The following MGAT5 variants were observed in gnomAD, a reference collection of about 807,000 sequenced individuals.
MGAT5 encodes the protein alpha-1,6-mannosylglycoprotein 6-beta-N-acetylglucosaminyltransferase.
In MGAT5, 30 loss-of-function variants were observed where a neutral mutation model predicts 94.3. The observed-to-expected ratio is 0.32, with a 90% confidence interval of 0.24 to 0.43. The LOEUF (loss-of-function observed/expected upper bound fraction) is 0.43, where lower values mean the gene tolerates loss of function less well. Ranked by LOEUF, MGAT5 falls within the 20% of genes least tolerant of loss-of-function variation. The pLI, the probability that MGAT5 is intolerant of heterozygous loss-of-function variation, is 1.00. For missense variants in MGAT5, 691 were observed against 905.5 expected, an observed-to-expected ratio of 0.76 and a Z score of 3.04; for synonymous variants, 310 against 322.9, an observed-to-expected ratio of 0.96 and a Z score of 0.43.
intron 14 of MGAT5, among the ~76,000 whole-genome samples, chr2:134,432,155 CAG>C (rs1269768912): frequency 6.6e-6 from 1 of 152,168 alleles, no homozygotes; most frequent in East Asian, 1.9e-4. Context: ...AGCCTCAGGT[CAG>C]AGAGTATAGC....
intron 1 of MGAT5, among the ~76,000 whole-genome samples, chr2:134,138,681 G>A (rs1205712362): frequency 3.3e-5 from 5 of 152,190 alleles, no homozygotes; most frequent in African/African-American, 7.2e-5. Context: ...ACTGTCTAAT[G>A]TCATGCTTGG....
At position 134,189,602 on chromosome 2, in the gene MGAT5, G is replaced by GTTTTGTTTTTTTTTTT. The variant is rs1553490380; in HGVS notation, c.-142-64656_-142-64655insGTTTTTTTTTTTTTTT. On this transcript the variant is annotated intron_variant, in intron 1 of 16. Coordinates refer to the MGAT5 transcript ENST00000409645. Reference sequence around the variant, plus strand: ...AACCTCATGGCTCTAGTTTTTTTTTGTTTTTTTTTTTTTTTTTTAAGACAG... The same window carrying GTTTTGTTTTTTTTTTT: ...AACCTCATGGCTCTAGTTTTTTTTTGTTTTGTTTTTTTTTTTTTTTTTTTTTTTTTTTTTAAGACAG... Among the ~76,000 whole-genome samples the GTTTTGTTTTTTTTTTT allele has an allele frequency of 1.7e-3, 148 of 84,640 alleles. 4 individuals are homozygous for GTTTTGTTTTTTTTTTT. The highest frequency in any genetic ancestry group is 6.7e-3 in the African/African-American group (140 of 20,986). 55.5% of individuals were successfully genotyped at this position (84,640 alleles called of 152,430 possible). A position where few individuals can be genotyped will look rare whatever the true frequency, so the allele number is the denominator to read the frequency against.
intron 4 of MGAT5, among the ~76,000 whole-genome samples, chr2:134,330,833 C>T (rs1054908428): frequency 6.6e-6 from 1 of 151,948 alleles, no homozygotes; most frequent in East Asian, 1.9e-4. Context: ...GTTGGTGACC[C>T]ATTAGAACAG....
chr2:134,152,326 G>T (rs1687254503), intron 1 of MGAT5, among the ~76,000 whole-genome samples: 1 of 111,984 alleles, frequency 8.9e-6, no homozygotes, highest in Non-Finnish European at 2.0e-5. Context: ...CACGCCCTAT[G>T]GGACCCGCCC....
Position 134,412,471 on chromosome 2 carries a change from T to C in MGAT5, c.1531-398T>C, listed in dbSNP as rs140750365. On this transcript the variant is annotated intron_variant, in intron 11 of 15. Transcript: ENST00000281923. ...GTTTCTTTGGTTCAATGAAGAAACC[T>C]TCTGTGTAGTTAAGCAAGTGTTTTT... Among the ~76,000 whole-genome samples the C allele has an allele frequency of 5.9e-3, 894 of 152,242 alleles. 5 individuals carry two copies. The highest frequency in any genetic ancestry group is 8.9e-3 in the Non-Finnish European group (603 of 68,012).
chr2:134,134,627 G>A (rs1351377582), intron 1 of MGAT5, among the ~76,000 whole-genome samples: 3 of 152,206 alleles, frequency 2.0e-5, no homozygotes, highest in Admixed American at 6.5e-5. Flanking sequence ...TGGGCAGGGC[G>A]TGGTACCTGG....
intron 1 of MGAT5, among the ~76,000 whole-genome samples, chr2:134,122,154 G>T (rs1448614294): frequency 2.6e-5 from 4 of 151,920 alleles, no homozygotes; most frequent in African/African-American, 9.7e-5. Flanking sequence ...GCCCAGGCTG[G>T]AGTGCAATGG....
chr2:134,398,314 C>T (rs1157659556), intron 10 of MGAT5, among the ~76,000 whole-genome samples: 2 of 152,282 alleles, frequency 1.3e-5, no homozygotes, highest in East Asian at 1.9e-4. Context: ...GTGGGACACA[C>T]GCTTGCCTCT....
At chr2:134,327,134 G>A (rs4953914) in intron 4 of MGAT5, among the ~76,000 whole-genome samples, 147,361 of 152,202 alleles carry the variant, frequency 0.97, 71,410 homozygotes, top group East Asian at 1. Flanking sequence ...TAACCCTTCC[G>A]ATCTTAAAAA....
intron 2 of MGAT5, among the ~76,000 whole-genome samples, chr2:134,279,402 T>A (rs937038958): frequency 2.6e-5 from 4 of 152,148 alleles, no homozygotes; most frequent in Non-Finnish European, 5.9e-5. Flanking sequence ...TAAGTAGGAT[T>A]AAAAAAATTC....
At position 134,338,281 on chromosome 2, in the gene MGAT5, A is replaced by G. The variant is rs1439392194; in HGVS notation, c.668A>G (p.Asn223Ser). The G allele has an allele frequency of 1.3e-6, 2 of 1,598,504 alleles. No individual in the cohort carries two copies. The highest frequency in any genetic ancestry group is 1.7e-6 in the Non-Finnish European group (2 of 1,174,830). Residue 223 changes from asparagine to serine, a missense_variant, in exon 6 of 16, where the codon AAT becomes AGT. Physicochemically the swap from Asn to Ser is conservative, Grantham distance 46. Around this residue, in one of 4 missense-constraint regions of MGAT5, gnomAD observed 307 missense variants for 335.4 expected, o/e 0.92. Coordinates refer to ENST00000281923, the MANE Select transcript of MGAT5 (RefSeq NM_002410.5). ...TAGGCGGAAATTCGTACAGATTTTA[A>G]TATTCTCTACAGTATGATGAAAAAG... ...NSLAEIRTDF[N>S]ILYSMMKKHE... is the part of the protein sequence containing the mutation.
At chr2:134,221,311 CA>C (rs1680757705) in intron 1 of MGAT5, among the ~76,000 whole-genome samples, 1 of 152,150 alleles carries the variant, frequency 6.6e-6, no homozygotes, top group African/African-American at 2.4e-5. Context: ...TGGGGACTTC[CA>C]GGCTATAGGT....
At chr2:134,162,198 A>C (rs978244874) in intron 1 of MGAT5, among the ~76,000 whole-genome samples, 15 of 152,090 alleles carry the variant, frequency 9.9e-5, no homozygotes, top group African/African-American at 3.6e-4. Flanking sequence ...TCAAAAAAAA[A>C]CAAAAACAAA....
chr2:134,273,964 G>A (rs537640418), intron 2 of MGAT5, among the ~76,000 whole-genome samples: 10 of 152,206 alleles, frequency 6.6e-5, no homozygotes, highest in East Asian at 1.9e-4. Context: ...AAGGGCCTTC[G>A]TCAAAATTCT....
At chr2:134,167,123 A>G (rs1687998633) in intron 1 of MGAT5, among the ~76,000 whole-genome samples, 1 of 152,222 alleles carries the variant, frequency 6.6e-6, no homozygotes, top group African/African-American at 2.4e-5. Flanking sequence ...ATAAAGGACA[A>G]GCTTTTGTTA....
chr2:134,257,836 C>CCTTTTTT (rs781189819), intron 1 of MGAT5, among the ~76,000 whole-genome samples: 35,413 of 105,068 alleles, frequency 0.34, 7,714 homozygotes, highest in South Asian at 0.43. Flanking sequence ...TTTGCAGTCT[C>CCTTTTTT]TTTTTTTTTT....
At position 134,254,597 on chromosome 2, in the gene MGAT5, A is replaced by G; in HGVS notation, c.194A>G (p.Asn65Ser). 6.2e-7 allele frequency: 1 copy of G among 1,614,184 alleles called. No homozygotes were observed. The highest frequency in any genetic ancestry group is 2.2e-5 in the East Asian group (1 of 44,884). ...KRYIKALAEE[N>S]RNVVDGPYAG... The stretch of plus-strand genomic sequence containing the variant: ...TACATCAAGGCACTGGCAGAAGAAA[A>G]CAGGAATGTGGTGGATGGGCCATAC... Residue 65 changes from asparagine to serine, a missense_variant, in exon 1 of 16, where the codon AAC becomes AGC. This residue lies in a region of MGAT5 where 307 missense variants were observed against 335.4 expected (regional missense o/e 0.92). Transcript: ENST00000281923.
rs1338679600 is a variant in MGAT5, at chr2:134,449,846, C to G, written c.*999C>G. 6.6e-6 allele frequency: 1 copy of G among 152,316 alleles called. No individual in the cohort carries two copies. Among genetic ancestry groups the G allele is most frequent in the African/African-American group, 2.4e-5 (1 of 41,446 alleles). The allele number at this position is 152,316 out of a possible 1,614,324, so 9.4% of individuals were successfully genotyped here. On this transcript the variant is annotated 3_prime_UTR_variant, in exon 16 of 16. Transcript: ENST00000281923. ...TTAAGAATTTGTGGCGCGACCGGAGCTGGGCTCCTGACAGGTGGGCTTGTG... is the reference window on the plus strand; with the variant it reads ...TTAAGAATTTGTGGCGCGACCGGAGGTGGGCTCCTGACAGGTGGGCTTGTG...
At chr2:134,253,549 T>C (rs1682745220), upstream of MGAT5, among the ~76,000 whole-genome samples, 1 of 152,222 alleles carries the variant, frequency 6.6e-6, no homozygotes, top group African/African-American at 2.4e-5. Flanking sequence ...ACAGAAAATC[T>C]GCCTGCCAGG....
Sources: allele counts gnomAD v4.1 joint callset (sites outside exome capture counted in the v4.1 genomes callset), GRCh38; gene constraint gnomAD v4.1.1; regional missense constraint gnomAD v4.1.1; transcripts MANE v1.5; gene names NCBI Gene and HGNC (gene_info 2026-07-23, HGNC 2026-07-21).